SAXO1: variants seen among roughly 807,000 people sequenced by gnomAD.
SAXO1 encodes 4930500O09Rik.
In SAXO1, 21 loss-of-function variants were observed where a neutral mutation model predicts 17.5. The observed-to-expected ratio is 1.20, with a 90% CI of 0.85 to 1.72. SAXO1 has a LOEUF of 1.72. Ranked by LOEUF, SAXO1 falls within the 40% of genes most tolerant of loss-of-function variation. The pLI is 0.00. For synonymous variants in SAXO1, 274 were observed against 216.5 expected (o/e 1.27, Z -2.33); for missense variants, 843 against 596.0 (o/e 1.41, Z -4.32).
chr9:18,972,604 T>C, intron 1 of SAXO1, among the ~76,000 whole-genome samples: 1 of 152,078 alleles, frequency 6.6e-6, no homozygotes, highest in Admixed American at 6.6e-5. Context: ...ACATGAACAG[T>C]CTAGGGCTAC....
chr9:18,994,888 T>C lies in SAXO1; in HGVS notation c.38+37983A>G, dbSNP rs747888890. On this transcript the variant is annotated intron_variant, in intron 1 of 3. Coordinates refer to ENST00000380534, the MANE Select transcript of SAXO1 (RefSeq NM_153707.4). ...TGCCAGCATCTCCTCTACATCCCAATTGGACCTGTTAGTGAGCTAACAAGA... is the reference window on the plus strand; with the variant it reads ...TGCCAGCATCTCCTCTACATCCCAACTGGACCTGTTAGTGAGCTAACAAGA... Among the ~76,000 whole-genome samples the C allele has an allele frequency of 2.0e-4, 31 of 152,304 alleles. No individual in the cohort carries two copies. In the East Asian group the frequency reaches 2.1e-3, roughly 10 times the overall value.
chr9:18,976,287 G>A (rs1016424570), intron 1 of SAXO1, among the ~76,000 whole-genome samples: 1 of 152,158 alleles, frequency 6.6e-6, no homozygotes, highest in Admixed American at 6.5e-5. Context: ...GCTGAAAAAG[G>A]TTGTCTTTTC....
chr9:18,998,461 T>C (rs189939126), intron 1 of SAXO1, among the ~76,000 whole-genome samples: 159 of 152,260 alleles, frequency 1.0e-3, no homozygotes, highest in Non-Finnish European at 2.1e-3. Context: ...AATTTGGGAC[T>C]ATGTGAAAAG....
At chr9:18,934,874 T>C (rs1310305314) in intron 3 of SAXO1, among the ~76,000 whole-genome samples, 1 of 152,212 alleles carries the variant, frequency 6.6e-6, no homozygotes, top group Non-Finnish European at 1.5e-5. Context: ...CTGCAGTGTA[T>C]GGCTACCGAT....
intron 1 of SAXO1, among the ~76,000 whole-genome samples, chr9:18,992,091 A>T (rs997657070): frequency 2.0e-5 from 3 of 152,236 alleles, no homozygotes; most frequent in Non-Finnish European, 4.4e-5. Flanking sequence ...ACAACATCCC[A>T]TTCTATAGAT....
At chr9:18,997,529 G>T (rs1563970237) in intron 1 of SAXO1, among the ~76,000 whole-genome samples, 1 of 152,260 alleles carries the variant, frequency 6.6e-6, no homozygotes, top group Admixed American at 6.5e-5. Context: ...CACCTCTGGG[G>T]GCAGGGCATA....
At chr9:18,999,891 C>T (rs1392943014) in intron 1 of SAXO1, among the ~76,000 whole-genome samples, 4 of 135,998 alleles carry the variant, frequency 2.9e-5, no homozygotes, top group Non-Finnish European at 4.7e-5. Context: ...TACCCAGCCG[C>T]CCCACCATCT....
upstream of SAXO1, among the ~76,000 whole-genome samples, chr9:19,035,273 C>T (rs1031638242): frequency 2.6e-5 from 4 of 152,178 alleles, no homozygotes; most frequent in African/African-American, 9.6e-5. Flanking sequence ...CGGTTTCCCC[C>T]ATACTGCTCT....
chr9:19,005,361 A>C (rs189537952), intron 1 of SAXO1, among the ~76,000 whole-genome samples: 6 of 152,310 alleles, frequency 3.9e-5, no homozygotes, highest in Non-Finnish European at 7.4e-5. Context: ...AAAGACCCAC[A>C]CTTCCTGATT....
chr9:18,961,587 G>A (rs972908503), intron 1 of SAXO1, among the ~76,000 whole-genome samples: 6 of 151,966 alleles, frequency 3.9e-5, no homozygotes, highest in African/African-American at 7.2e-5. Context: ...AACATGTGGT[G>A]TTTGCTTTTC....
At position 18,979,960 on chromosome 9, in the gene SAXO1, C is replaced by T. The variant is rs75545955; in HGVS notation, c.39-29023G>A. 4.1e-3 allele frequency among the ~76,000 whole-genome samples: 628 copies of T among 152,140 alleles called. 8 individuals carry two copies. The highest frequency in any genetic ancestry group is 0.014 in the African/African-American group (594 of 41,502). On this transcript the variant is annotated intron_variant, in intron 1 of 3. Coordinates refer to ENST00000380534, the MANE Select transcript of SAXO1 (RefSeq NM_153707.4). ...AATAAAGAGTTAAGAGACATTTCACCGGGACTTAGTGACAGACTGTACTGG... is the reference window on the plus strand; with the variant it reads ...AATAAAGAGTTAAGAGACATTTCACTGGGACTTAGTGACAGACTGTACTGG...
chr9:19,048,101 G>C (rs1379914128), intron 1 of SAXO1, among the ~76,000 whole-genome samples: 4 of 152,174 alleles, frequency 2.6e-5, no homozygotes, highest in Non-Finnish European at 5.9e-5. Flanking sequence ...GTTAACAGTA[G>C]GAATTAAAAT....
intron 1 of SAXO1, among the ~76,000 whole-genome samples, chr9:18,955,972 C>T (rs1045250104): frequency 6.6e-6 from 1 of 151,782 alleles, no homozygotes; most frequent in African/African-American, 2.4e-5. Flanking sequence ...CAGGGACCGA[C>T]TTTGTCACCT....
At chr9:19,031,877 G>C (rs543482705) in intron 1 of SAXO1, among the ~76,000 whole-genome samples, 1 of 152,272 alleles carries the variant, frequency 6.6e-6, no homozygotes, top group African/African-American at 2.4e-5. Context: ...TGCTGATCCA[G>C]TTTTTAGAGT....
rs528647964 is a variant in SAXO1 at position 19,027,676 on chromosome 9, C to T, written c.38+5195G>A. On this transcript the variant is annotated intron_variant, in intron 1 of 3. Transcript: ENST00000380534. ...CCCTGGCCAAGGAGAAAGCGCCCTC[C>T]ATCATCTTCACTGATGAGCTGGATG... 3 of 1,358,008 alleles carry T rather than the reference C, an allele frequency of 2.2e-6. No individual in the cohort carries two copies. The South Asian group carries it at 3.5e-5, about 16-fold the overall frequency. The allele number at this position is 1,358,008 out of a possible 1,614,324, so 84.1% of individuals were successfully genotyped here.
intron 1 of SAXO1, among the ~76,000 whole-genome samples, chr9:18,952,182 T>A (rs1588430827): frequency 6.6e-6 from 1 of 152,160 alleles, no homozygotes; most frequent in Non-Finnish European, 1.5e-5. Context: ...CCAGCTGGGG[T>A]CCCTCTCATC....
chr9:18,950,982 A>T (rs6475274), intron 1 of SAXO1, 45 bp from the exon 2 acceptor site: 1,209,028 of 1,558,726 alleles, frequency 0.78, 471,624 homozygotes, highest in African/African-American at 0.93. Flanking sequence ...TTGGGAGAAA[A>T]AAACCCAATT....
rs551454530 is a variant in SAXO1, at chr9:19,007,463, A to G, written c.38+25408T>C. On this transcript the variant is annotated intron_variant, in intron 1 of 3. Transcript: ENST00000380534. ...AAATACGGACTTTTTGGATCTAGCAATATATCTTTAAACACTTTAGAATCT... is the reference window on the plus strand; with the variant it reads ...AAATACGGACTTTTTGGATCTAGCAGTATATCTTTAAACACTTTAGAATCT... Among the ~76,000 whole-genome samples, 12 of 152,358 alleles carry G rather than the reference A, an allele frequency of 7.9e-5. No individual in the cohort carries two copies. The South Asian group carries it at 2.3e-3, about 29-fold the overall frequency.
chr9:19,031,111 G>A (rs1312628676), intron 1 of SAXO1, among the ~76,000 whole-genome samples: 1 of 152,228 alleles, frequency 6.6e-6, no homozygotes, highest in African/African-American at 2.4e-5. Context: ...TGCAGGGGCA[G>A]GAGGGAGACT....
Sources: allele counts gnomAD v4.1 joint callset (sites outside exome capture counted in the v4.1 genomes callset), GRCh38; gene constraint gnomAD v4.1.1; transcripts MANE v1.5; gene names NCBI Gene and HGNC (gene_info 2026-07-23, HGNC 2026-07-21).